The following MANBA variants were observed in gnomAD, a reference collection of about 807,000 sequenced individuals.
MANBA encodes beta-mannosidase.
A neutral mutation model predicts 111.1 loss-of-function variants in MANBA; 83 were observed. The observed-to-expected ratio is 0.75, with a 90% confidence interval of 0.63 to 0.90. The LOEUF (loss-of-function observed/expected upper bound fraction) is 0.90. MANBA is among the 40% of genes least tolerant of loss of function. MANBA has a pLI of 0.00. For synonymous variants in MANBA, 370 were observed against 378.7 expected (o/e 0.98, Z 0.27); for missense variants, 1,036 against 1,069.0 (o/e 0.97, Z 0.43).
At chr4:102,709,305 AGGAAGGAAGAAAAG>A (rs1721918535) in intron 5 of MANBA, among the ~76,000 whole-genome samples, 1 of 137,886 alleles carries the variant, frequency 7.3e-6, no homozygotes, top group African/African-American at 3.0e-5. Flanking sequence ...GAAGGAAGGA[AGGAAGGAAGAAAAG>A]AAAAGAAAAA....
chr4:102,737,245 G>T (rs1723248482), intron 1 of MANBA, among the ~76,000 whole-genome samples: 1 of 152,184 alleles, frequency 6.6e-6, no homozygotes. Context: ...GTGGTGAACA[G>T]GAAGAACAGA....
intron 13 of MANBA, among the ~76,000 whole-genome samples, chr4:102,650,292 A>C (rs1730271660): frequency 6.6e-6 from 1 of 152,242 alleles, no homozygotes; most frequent in Non-Finnish European, 1.5e-5. Flanking sequence ...ATCTTGAAGT[A>C]GAGAATATTT....
chr4:102,635,023 G>C lies in MANBA; in HGVS notation c.2180C>G (p.Ser727Cys). ...TLSVRVHTWS[S>C]LEPVCSRVTE... Reference sequence around the variant, plus strand: ...CACACGAGAGCACACGGGCTCCAGGGAGCTCCATGTATGGACTCTCACCTG... The same window carrying C: ...CACACGAGAGCACACGGGCTCCAGGCAGCTCCATGTATGGACTCTCACCTG... The change falls in exon 16 of 17, where the codon TCC becomes TGC. Residue 727 changes from serine (S) to cysteine (C), a missense_variant. Coordinates refer to ENST00000647097, the MANE Select transcript of MANBA (RefSeq NM_005908.4). The C allele has an allele frequency of 6.2e-7, 1 of 1,614,160 alleles. No individual in the cohort carries two copies. The highest frequency in any genetic ancestry group is 8.5e-7 in the Non-Finnish European group (1 of 1,180,000).
At chr4:102,726,824 G>A (rs1237105337) in intron 1 of MANBA, 141 bp from the exon 2 acceptor site, 12 of 613,382 alleles carry the variant, frequency 2.0e-5, no homozygotes, top group East Asian at 5.6e-5. Context: ...TACAAAGAGG[G>A]GACAGATCGT....
chr4:102,706,728 A>G (rs767723348), intron 5 of MANBA, among the ~76,000 whole-genome samples: 3 of 152,226 alleles, frequency 2.0e-5, no homozygotes, highest in Non-Finnish European at 2.9e-5. Flanking sequence ...AGTATCAATA[A>G]GAAATTTACA....
intron 1 of MANBA, chr4:102,730,797 T>A: frequency 2.3e-6 from 1 of 432,154 alleles, no homozygotes; most frequent in South Asian, 1.8e-5. Context: ...GCTTGTTAAT[T>A]TCCTTATACT....
rs551640499 is a variant in MANBA, at chr4:102,707,325, C to T, written c.673+7113G>A. Among the ~76,000 whole-genome samples the T allele has an allele frequency of 3.9e-4, 60 of 152,270 alleles. No individual in the cohort carries two copies. The South Asian group carries it at 0.012, about 29-fold the overall frequency. On this transcript the variant is annotated intron_variant, in intron 5 of 16. Transcript: ENST00000647097. Reference sequence around the variant, plus strand: ...ACAGCTCCCAGCCAAGGATGCCATACCCAGCAAATTTATCCTTCATAAATA... The same window carrying T: ...ACAGCTCCCAGCCAAGGATGCCATATCCAGCAAATTTATCCTTCATAAATA...
chr4:102,678,956 A>G (rs1731845204), intron 7 of MANBA, among the ~76,000 whole-genome samples: 1 of 152,216 alleles, frequency 6.6e-6, no homozygotes, highest in Admixed American at 6.5e-5. Flanking sequence ...TACATTTTCA[A>G]AAGGGCAATT....
At chr4:102,650,459 T>C (rs1335999188) in intron 13 of MANBA, 78 bp downstream of exon 13, 22 of 1,410,654 alleles carry the variant, frequency 1.6e-5, no homozygotes, top group Non-Finnish European at 2.1e-5. Flanking sequence ...TTTTTCACCA[T>C]ATATGGCCTA....
intron 4 of MANBA, among the ~76,000 whole-genome samples, chr4:102,721,234 GA>G (rs1426626136): frequency 6.6e-6 from 1 of 152,154 alleles, no homozygotes; most frequent in African/African-American, 2.4e-5. Flanking sequence ...TGAGGCAAGA[GA>G]ATTGTTTTAA....
chr4:102,667,469 A>G (rs1731277138), intron 10 of MANBA: 1 of 152,204 alleles, frequency 6.6e-6, no homozygotes, highest in African/African-American at 2.4e-5. Context: ...CTAAAAAGAA[A>G]AATCTTGAAA....
In MANBA at chr4:102,664,678, T is replaced by C; in HGVS notation, c.1485+7A>G. 6.2e-7 allele frequency: 1 copy of C among 1,606,342 alleles called. No individual in the cohort carries two copies. ...TAAATTCTACTGCATTAAAAATCAT[T>C]ACTTACTGCCAGTACGAGCTCTCTG... is the stretch of plus-strand genomic sequence containing the variant. On this transcript the variant is annotated splice_region_variant and intron_variant, in intron 11 of 16. Transcript: ENST00000647097.
intron 16 of MANBA, chr4:102,633,243 G>C: frequency 2.5e-6 from 1 of 398,550 alleles, no homozygotes; most frequent in Non-Finnish European, 4.4e-6. Context: ...CAAATTCCCA[G>C]ATCGCACCGC....
rs114021829 is a variant in MANBA, at chr4:102,631,979, T to C, written c.*78A>G. On this transcript the variant is annotated 3_prime_UTR_variant, in exon 17 of 17. Transcript: ENST00000647097. ...ATGTCTCTCGGCTTCTCTCCTTGTC[T>C]CTGTTGCCTTCCTCTCCAGTCGGTG... 245 of 1,236,456 alleles carry C rather than the reference T, an allele frequency of 2.0e-4. No individual in the cohort carries two copies. In the African/African-American group the frequency reaches 3.2e-3, roughly 16 times the overall value. 76.6% of individuals were successfully genotyped at this position (1,236,456 alleles called of 1,614,324 possible).
intron 5 of MANBA, among the ~76,000 whole-genome samples, chr4:102,699,183 C>T (rs569976508): frequency 2.6e-5 from 4 of 152,102 alleles, no homozygotes; most frequent in Admixed American, 2.6e-4. Flanking sequence ...TATAAGAATG[C>T]TTGTGATTTA....
chr4:102,748,842 A>G (rs6822845), intron 1 of MANBA, among the ~76,000 whole-genome samples: 2,685 of 152,168 alleles, frequency 0.018, 72 homozygotes, highest in African/African-American at 0.054. Context: ...GAACCCAGGA[A>G]GCAGAGGTTG....
intron 11 of MANBA, among the ~76,000 whole-genome samples, chr4:102,662,238 T>C (rs1730991108): frequency 1.3e-5 from 2 of 152,006 alleles, no homozygotes; most frequent in Admixed American, 1.3e-4. Flanking sequence ...CGATGGCTAG[T>C]TTTAATTAAA....
At position 102,669,188 on chromosome 4, in the gene MANBA, G is replaced by A. The variant is rs138665752; in HGVS notation, c.1231-139C>T. 1.2e-3 allele frequency: 826 copies of A among 715,458 alleles called. 3 individuals carry two copies. The highest frequency in any genetic ancestry group is 9.3e-3 in the African/African-American group (525 of 56,750). The allele number at this position is 715,458 out of a possible 1,614,324, so 44.3% of individuals were successfully genotyped here. A position where few individuals can be genotyped will look rare whatever the true frequency, so the allele number is the denominator to read the frequency against. On this transcript the variant is annotated intron_variant, in intron 9 of 16. Coordinates refer to ENST00000647097, the MANE Select transcript of MANBA (RefSeq NM_005908.4). ...GCCTGATGAGTGTGATCACTGGGGCGCCATTATGCATAATTTGATACCAAG... is the reference window on the plus strand; with the variant it reads ...GCCTGATGAGTGTGATCACTGGGGCACCATTATGCATAATTTGATACCAAG...
chr4:102,686,100 T>C (rs888328056), intron 7 of MANBA, among the ~76,000 whole-genome samples: 1 of 152,160 alleles, frequency 6.6e-6, no homozygotes. Context: ...AATCAACATA[T>C]GGGTCCTAAA....
Sources: gnomAD v4.1 joint callset for allele counts (sites outside exome capture counted in the v4.1 genomes callset) on GRCh38, gnomAD v4.1.1 for gene constraint, MANE v1.5 for transcripts, NCBI Gene and HGNC (gene_info 2026-07-23, HGNC 2026-07-21) for gene names.